The following TSHZ3 variants were observed in gnomAD, a reference collection of about 807,000 sequenced individuals.
TSHZ3 encodes the protein teashirt homolog 3.
A neutral mutation model predicts 64.5 loss-of-function variants in TSHZ3; 10 were observed. The ratio of observed to expected loss-of-function variants is 0.16; its 90% CI spans 0.10 to 0.26. The LOEUF is 0.26. Ranked by LOEUF, TSHZ3 falls within the 10% of genes least tolerant of loss-of-function variation. The pLI, the probability that TSHZ3 is intolerant of heterozygous loss-of-function variation, is 1.00. For synonymous variants in TSHZ3, 608 were observed against 593.1 expected, an observed-to-expected ratio of 1.03 and a Z score of -0.36; for missense variants, 1,242 against 1,421.7, an observed-to-expected ratio of 0.87 and a Z score of 2.03.
In TSHZ3 at chr19:31,278,165, C is replaced by G; in HGVS notation, c.1628G>C (p.Ser543Thr). ...AINKAQNGTP[S>T]WGGYPSIHAA... ...ATGGATGCTGGGATAGCCCCCCCAG[C>G]TAGGAGTGCCGTTCTGGGCCTTGTT... Residue 543 changes from serine to threonine, a missense_variant, in exon 2 of 2, where the codon AGC (serine) becomes ACC (threonine). Around this residue, in one of 4 missense-constraint regions of TSHZ3, gnomAD observed 550 missense variants for 545.1 expected, o/e 1.01. Transcript: ENST00000240587. This position sits in a 1 kb window ranked among gnomAD's most constrained non-coding sequence, Gnocchi z 4.7. 1.9e-6 allele frequency: 3 copies of G among 1,614,154 alleles called. No homozygotes were observed. Among genetic ancestry groups the G allele is most frequent in the South Asian group, 1.1e-5 (1 of 91,082 alleles).
intron 1 of TSHZ3, among the ~76,000 whole-genome samples, chr19:31,280,337 CTT>C (rs993688645): frequency 6.9e-6 from 1 of 144,996 alleles, no homozygotes. Context: ...GATTTTGTGG[CTT>C]TTTTTTTTTC....
chr19:31,331,917 T>C (rs1017136659), intron 1 of TSHZ3, among the ~76,000 whole-genome samples: 1 of 152,130 alleles, frequency 6.6e-6, no homozygotes, highest in African/African-American at 2.4e-5. Context: ...CCCCGGGCAC[T>C]TTCTTCTGGG....
chr19:31,332,453 T>C (rs1341383506), intron 1 of TSHZ3, among the ~76,000 whole-genome samples: 1 of 152,124 alleles, frequency 6.6e-6, no homozygotes, highest in Non-Finnish European at 1.5e-5. Context: ...GGATAGAAAC[T>C]GAGATCACAT....
chr19:31,326,640 G>A (rs1285538845), intron 1 of TSHZ3, among the ~76,000 whole-genome samples: 1 of 152,230 alleles, frequency 6.6e-6, no homozygotes, highest in Non-Finnish European at 1.5e-5. Flanking sequence ...CTGAAACCTC[G>A]GAGTGTGAAG....
intron 1 of TSHZ3, among the ~76,000 whole-genome samples, chr19:31,260,793 A>G (rs965146773): frequency 1.3e-5 from 2 of 152,156 alleles, no homozygotes; most frequent in Non-Finnish European, 2.9e-5. Context: ...TCTTCCTGAA[A>G]CCCAAGTACC....
At chr19:31,154,248 G>T (rs1974274534) in intron 6 of TSHZ3, among the ~76,000 whole-genome samples, 1 of 152,314 alleles carries the variant, frequency 6.6e-6, no homozygotes, top group South Asian at 2.1e-4. Context: ...AATGTTTATT[G>T]TTGTGTACCA....
At chr19:31,166,444 A>G (rs569550277) in intron 5 of TSHZ3, among the ~76,000 whole-genome samples, 3 of 152,292 alleles carry the variant, frequency 2.0e-5, no homozygotes, top group Non-Finnish European at 4.4e-5. Context: ...CACTGTGCCT[A>G]TCCTCTGTAG....
upstream of TSHZ3, chr19:31,349,566 A>G (rs1599666505): frequency 5.9e-6 from 1 of 170,738 alleles, no homozygotes; most frequent in Non-Finnish European, 1.1e-5. Context: ...ATCGCTCCAG[A>G]GGCCAGAGGA....
chr19:31,262,819 A>G (rs1452041232), intron 1 of TSHZ3, among the ~76,000 whole-genome samples: 1 of 152,214 alleles, frequency 6.6e-6, no homozygotes, highest in Non-Finnish European at 1.5e-5. Context: ...TGGAAGGCAC[A>G]TTCCAACCCC....
At chr19:31,163,600 G>A (rs1259199273) in intron 5 of TSHZ3, among the ~76,000 whole-genome samples, 3 of 152,072 alleles carry the variant, frequency 2.0e-5, no homozygotes, top group African/African-American at 7.2e-5. Context: ...GCCTGGTCGC[G>A]CTTGCCTGTA....
chr19:31,316,107 G>A (rs1916594885), intron 1 of TSHZ3, among the ~76,000 whole-genome samples: 1 of 152,166 alleles, frequency 6.6e-6, no homozygotes, highest in Non-Finnish European at 1.5e-5. Flanking sequence ...ACAGATAGAA[G>A]AAGTCTGACG....
At chr19:31,284,459 C>A (rs768671494) in intron 1 of TSHZ3, among the ~76,000 whole-genome samples, 1 of 152,122 alleles carries the variant, frequency 6.6e-6, no homozygotes, top group Admixed American at 6.5e-5. Flanking sequence ...CCACTGGGCT[C>A]GGAAGAAGAT....
chr19:31,198,911 GA>G (rs1326426421), intron 5 of TSHZ3, among the ~76,000 whole-genome samples: 2 of 152,126 alleles, frequency 1.3e-5, no homozygotes, highest in Non-Finnish European at 2.9e-5. Context: ...TTATTTTGTA[GA>G]TATTGACTAA....
upstream of TSHZ3, among the ~76,000 whole-genome samples, chr19:31,350,414 G>A: frequency 6.6e-6 from 1 of 151,254 alleles, no homozygotes; most frequent in East Asian, 2.0e-4. Context: ...CCTCCACCCC[G>A]CCCCTCGCCC....
chr19:31,286,848 T>A (rs1188691997), intron 1 of TSHZ3, among the ~76,000 whole-genome samples: 10 of 152,228 alleles, frequency 6.6e-5, no homozygotes, highest in Admixed American at 6.5e-4. Flanking sequence ...GATGCAGGGA[T>A]GACAAACGTA....
intron 5 of TSHZ3, among the ~76,000 whole-genome samples, chr19:31,186,558 C>T (rs1205696738): frequency 6.6e-6 from 1 of 152,192 alleles, no homozygotes; most frequent in African/African-American, 2.4e-5. Flanking sequence ...GTCAATTAAA[C>T]CTCTTTTCTT....
At chr19:31,286,892 G>A (rs185931731) in intron 1 of TSHZ3, among the ~76,000 whole-genome samples, 10 of 152,290 alleles carry the variant, frequency 6.6e-5, no homozygotes, top group South Asian at 4.1e-4. Flanking sequence ...CTGGCCCACC[G>A]TGGCCATCAA....
At chr19:31,243,997 T>C (rs1403592258) in intron 1 of TSHZ3, among the ~76,000 whole-genome samples, 4 of 152,232 alleles carry the variant, frequency 2.6e-5, no homozygotes, top group Non-Finnish European at 5.9e-5. Context: ...GCATAACTTT[T>C]GGCCTGGGAT....
intron 5 of TSHZ3, among the ~76,000 whole-genome samples, chr19:31,156,518 TA>T (rs1974308063): frequency 6.6e-6 from 1 of 152,178 alleles, no homozygotes; most frequent in African/African-American, 2.4e-5. Flanking sequence ...CCAGGGCATC[TA>T]TTTAAAGTGA....
Sources: allele counts gnomAD v4.1 joint callset (sites outside exome capture counted in the v4.1 genomes callset), GRCh38; gene constraint gnomAD v4.1.1; regional missense constraint gnomAD v4.1.1; non-coding constraint Gnocchi (gnomAD v3.1); transcripts MANE v1.5; gene names NCBI Gene and HGNC (gene_info 2026-07-23, HGNC 2026-07-21).